LYPLAL1: variants seen among roughly 807,000 people sequenced by gnomAD.
LYPLAL1 encodes the protein lysophospholipase-like protein 1.
In LYPLAL1, 23 loss-of-function variants were observed where a neutral mutation model predicts 19.7. The ratio of observed to expected loss-of-function variants is 1.17; its 90% confidence interval spans 0.84 to 1.65. The LOEUF is 1.65. Among genes scored for constraint, LYPLAL1 ranks in the 40% most tolerant of loss-of-function variants. The pLI, the probability that LYPLAL1 is intolerant of heterozygous loss-of-function variation, is 0.00. For synonymous variants in LYPLAL1, 119 were observed against 96.3 expected (o/e 1.24, Z -1.38); for missense variants, 355 against 279.4 (o/e 1.27, Z -1.93).
chr1:219,174,074 G>C (rs747317729), intron 1 of LYPLAL1, 93 bp downstream of exon 1: 15 of 1,558,532 alleles, frequency 9.6e-6, no homozygotes, highest in Non-Finnish European at 1.1e-5. Flanking sequence ...GTGTCGCCGG[G>C]CCCAAATAGG....
At chr1:219,413,276 T>C in the LYPLAL1 span, among the ~76,000 whole-genome samples, 3 of 152,234 alleles carry the variant, frequency 2.0e-5, no homozygotes, top group African/African-American at 7.2e-5. Context: ...TAAATTGCCA[T>C]AAGAGGCTAT....
chr1:219,217,992 A>G, the LYPLAL1 span, among the ~76,000 whole-genome samples: 48 of 152,072 alleles, frequency 3.2e-4, no homozygotes, highest in Admixed American at 3.0e-3. Context: ...ATTTTTTATT[A>G]TATAGTTCTT....
At chr1:219,295,500 C>G in the LYPLAL1 span, among the ~76,000 whole-genome samples, 1 of 152,136 alleles carries the variant, frequency 6.6e-6, no homozygotes, top group Admixed American at 6.5e-5. Context: ...AAGAGATTCC[C>G]ATTTCCCAGC....
chr1:219,377,720 AT>A, the LYPLAL1 span, among the ~76,000 whole-genome samples: 1 of 152,232 alleles, frequency 6.6e-6, no homozygotes, highest in South Asian at 2.1e-4. Flanking sequence ...TTAAGTAATA[AT>A]TTTTCTTTTT....
the LYPLAL1 span, among the ~76,000 whole-genome samples, chr1:219,267,687 A>G: frequency 6.6e-6 from 1 of 152,348 alleles, no homozygotes; most frequent in East Asian, 1.9e-4. Context: ...TACAGATGAG[A>G]AAACAGGCTG....
At chr1:219,263,787 T>C in the LYPLAL1 span, among the ~76,000 whole-genome samples, 19 of 152,298 alleles carry the variant, frequency 1.2e-4, no homozygotes, top group African/African-American at 4.6e-4. Context: ...TAAATCTTTT[T>C]CTCATGACCT....
At chr1:219,316,891 G>A in the LYPLAL1 span, among the ~76,000 whole-genome samples, 4 of 152,214 alleles carry the variant, frequency 2.6e-5, no homozygotes, top group African/African-American at 4.8e-5. Flanking sequence ...GGGGCTGGGG[G>A]GAGGAGGAAA....
chr1:219,400,858 A>G, the LYPLAL1 span, among the ~76,000 whole-genome samples: 1 of 152,194 alleles, frequency 6.6e-6, no homozygotes, highest in African/African-American at 2.4e-5. Context: ...AATGATTGGA[A>G]TATTCAAAGT....
the LYPLAL1 span, among the ~76,000 whole-genome samples, chr1:219,253,039 A>G: frequency 1.8e-4 from 27 of 151,984 alleles, no homozygotes; most frequent in African/African-American, 5.8e-4. Context: ...CCATGATTTT[A>G]TCCACCTCGT....
At chr1:219,174,129 A>G (rs1655603843) in intron 1 of LYPLAL1, 148 bp downstream of exon 1, 1 of 1,458,932 alleles carries the variant, frequency 6.9e-7, no homozygotes. Context: ...CTGTAGATGC[A>G]CGGGCAGCGC....
At chr1:219,384,791 AT>A in the LYPLAL1 span, among the ~76,000 whole-genome samples, 1 of 152,224 alleles carries the variant, frequency 6.6e-6, no homozygotes, top group Non-Finnish European at 1.5e-5. Flanking sequence ...GCATTCCTAA[AT>A]AACCTGGCAT....
chr1:219,247,016 C>A, the LYPLAL1 span, among the ~76,000 whole-genome samples: 1 of 152,170 alleles, frequency 6.6e-6, no homozygotes, highest in East Asian at 1.9e-4. Flanking sequence ...TTCCCTGTAT[C>A]TGTTTTCTCA....
At chr1:219,243,349 CA>C in the LYPLAL1 span, among the ~76,000 whole-genome samples, 40,055 of 152,018 alleles carry the variant, frequency 0.26, 5,450 homozygotes, top group Non-Finnish European at 0.31. Flanking sequence ...CTCCAGAAAT[CA>C]ATTTTAATCA....
the LYPLAL1 span, among the ~76,000 whole-genome samples, chr1:219,385,571 G>GA: frequency 5.3e-5 from 8 of 151,938 alleles, no homozygotes; most frequent in Non-Finnish European, 8.8e-5. Flanking sequence ...GAAGCTTGTA[G>GA]AAAAAAGTGT....
the LYPLAL1 span, among the ~76,000 whole-genome samples, chr1:219,445,413 G>GT: frequency 1.9e-5 from 2 of 107,810 alleles, no homozygotes; most frequent in Non-Finnish European, 3.5e-5. Context: ...CAAATTGGGG[G>GT]GGGGGCGGTG....
downstream of LYPLAL1, among the ~76,000 whole-genome samples, chr1:219,217,345 T>C (rs1175367947): frequency 1.3e-5 from 2 of 151,214 alleles, no homozygotes; most frequent in East Asian, 3.9e-4. Context: ...GTTAAACAGA[T>C]TCAAGGTATC....
At chr1:219,304,781 A>G in the LYPLAL1 span, among the ~76,000 whole-genome samples, 1 of 152,152 alleles carries the variant, frequency 6.6e-6, no homozygotes, top group Non-Finnish European at 1.5e-5. Context: ...TGAGATGCCA[A>G]GTCGTCTACA....
At chr1:219,231,846 G>T in the LYPLAL1 span, among the ~76,000 whole-genome samples, 1 of 152,020 alleles carries the variant, frequency 6.6e-6, no homozygotes, top group South Asian at 2.1e-4. Flanking sequence ...GAGGGTAAAG[G>T]CTATGTCAAA....
At chr1:219,403,518 C>A in the LYPLAL1 span, among the ~76,000 whole-genome samples, 1 of 152,152 alleles carries the variant, frequency 6.6e-6, no homozygotes, top group East Asian at 1.9e-4. Flanking sequence ...ATGTAAAAGA[C>A]GCGGCAGGAA....
Sources: allele counts gnomAD v4.1 joint callset (sites outside exome capture counted in the v4.1 genomes callset), GRCh38; gene constraint gnomAD v4.1.1; transcripts MANE v1.5; gene names NCBI Gene and HGNC (gene_info 2026-07-23, HGNC 2026-07-21).